The following NME8 variants were observed in gnomAD, a reference collection of about 807,000 sequenced individuals.
The protein encoded by NME8 is NME/NM23 family member 8.
In NME8, 72 loss-of-function variants were observed where a neutral mutation model predicts 82.3. That is an observed-to-expected ratio of 0.87 (90% CI 0.72 to 1.06). NME8 has a LOEUF of 1.06. Ranked by LOEUF, NME8 falls within the 50% of genes least tolerant of loss-of-function variation. The pLI, the probability that NME8 is intolerant of heterozygous loss-of-function variation, is 0.00. For missense variants in NME8, 712 were observed against 685.4 expected (o/e 1.04, Z -0.43); for synonymous variants, 267 against 228.5 (o/e 1.17, Z -1.52).
At chr7:37,892,703 A>G (rs550119802) in intron 15 of NME8, among the ~76,000 whole-genome samples, 33 of 151,620 alleles carry the variant, frequency 2.2e-4, no homozygotes, top group Admixed American at 5.9e-4. Flanking sequence ...TATTTCTGTT[A>G]TTTTATCTTT....
intron 7 of NME8, among the ~76,000 whole-genome samples, chr7:37,862,704 A>C (rs1019070825): frequency 6.6e-6 from 1 of 152,126 alleles, no homozygotes; most frequent in Non-Finnish European, 1.5e-5. Flanking sequence ...GTAATGGTTA[A>C]GAACAGATCT....
chr7:37,876,792 A>G (rs1784859658), intron 11 of NME8, 40 bp from the exon 12 acceptor site: 1 of 1,389,492 alleles, frequency 7.2e-7, no homozygotes, highest in Non-Finnish European at 1.0e-6. Flanking sequence ...TATAAACCTC[A>G]GTTTATAATA....
At chr7:37,874,679 A>C (rs1784819955) in intron 11 of NME8, among the ~76,000 whole-genome samples, 1 of 152,184 alleles carries the variant, frequency 6.6e-6, no homozygotes, top group Non-Finnish European at 1.5e-5. Context: ...TAAAGTCAAG[A>C]ATATGGCTAT....
At chr7:37,869,006 T>C (rs1178229459) in intron 11 of NME8, among the ~76,000 whole-genome samples, 1 of 152,164 alleles carries the variant, frequency 6.6e-6, no homozygotes, top group Admixed American at 6.6e-5. Flanking sequence ...AGCAAGAACA[T>C]ACTTAGAGTA....
intron 17 of NME8, among the ~76,000 whole-genome samples, chr7:37,899,496 G>C (rs560013951): frequency 2.1e-5 from 3 of 143,654 alleles, no homozygotes; most frequent in African/African-American, 5.1e-5. Context: ...ATGGACACAT[G>C]GGGGGAACAA....
intron 15 of NME8, among the ~76,000 whole-genome samples, chr7:37,893,912 C>G (rs560467569): frequency 6.6e-6 from 1 of 152,110 alleles, no homozygotes; most frequent in African/African-American, 2.4e-5. Context: ...GCTCCCAGAC[C>G]ACTCTATGTG....
At chr7:37,890,540 T>C (rs1785113959) in intron 15 of NME8, among the ~76,000 whole-genome samples, 1 of 151,932 alleles carries the variant, frequency 6.6e-6, no homozygotes, top group African/African-American at 2.4e-5. Context: ...CACCAGAGGT[T>C]ATACCCATAG....
chr7:37,853,601 A>G (rs1583625251), intron 5 of NME8, among the ~76,000 whole-genome samples: 1 of 152,190 alleles, frequency 6.6e-6, no homozygotes, highest in East Asian at 1.9e-4. Context: ...AGACGTTCAC[A>G]TAGACTAGGG....
In NME8 at chr7:37,895,809, A is replaced by G. The variant is rs886786288; in HGVS notation, c.1545-1061A>G. Among the ~76,000 whole-genome samples the G allele has an allele frequency of 1.1e-4, 16 of 152,258 alleles. No homozygotes were observed. In the Middle Eastern group the frequency reaches 0.01, roughly 97 times the overall value. On this transcript the variant is annotated intron_variant, in intron 16 of 17. Coordinates refer to ENST00000199447, the MANE Select transcript of NME8 (RefSeq NM_016616.5). The stretch of plus-strand genomic sequence containing the variant: ...ATATATGTTTAGATACACAAATAAC[A>G]CTGTATTACAGTTGTCTACAGTATT...
In NME8 at chr7:37,894,730, T is replaced by G. The variant is rs565367963; in HGVS notation, c.1544+120T>G. On this transcript the variant is annotated intron_variant, in intron 16 of 17. Coordinates refer to ENST00000199447, the MANE Select transcript of NME8 (RefSeq NM_016616.5). ...TCTAATCTCATTCATGAAAAGACAT[T>G]CTGCTAACATTCATGGTTCATCTTT... 9.0e-6 allele frequency: 9 copies of G among 1,003,430 alleles called. No homozygotes were observed. In the East Asian group the frequency reaches 2.4e-4, roughly 27 times the overall value. The allele number at this position is 1,003,430 out of a possible 1,614,324, so 62.2% of individuals were successfully genotyped here. A position where few individuals can be genotyped will look rare whatever the true frequency, so the allele number is the denominator to read the frequency against.
Position 37,849,731 on chromosome 7 carries a change from C to T in NME8, c.-7-529C>T, listed in dbSNP as rs192977751. 5.3e-5 allele frequency among the ~76,000 whole-genome samples: 8 copies of T among 152,002 alleles called. No individual in the cohort carries two copies. In the East Asian group the frequency reaches 5.8e-4, roughly 11 times the overall value. ...AAAAATACAAAAAAAATTAGCCCGC[C>T]GTGGTGGCGGGTGCCTGTAGTCACA... On this transcript the variant is annotated intron_variant, in intron 2 of 17. Coordinates refer to ENST00000199447, the MANE Select transcript of NME8 (RefSeq NM_016616.5).
chr7:37,868,078 C>T (rs1276323870), intron 11 of NME8, among the ~76,000 whole-genome samples, 180 bp downstream of exon 11: 1 of 152,102 alleles, frequency 6.6e-6, no homozygotes, highest in African/African-American at 2.4e-5. Flanking sequence ...GTGTCAGATA[C>T]CTGGCATTGG....
chr7:37,884,994 A>G, intron 13 of NME8, 151 bp from the exon 14 acceptor site: 1 of 644,424 alleles, frequency 1.6e-6, no homozygotes, highest in South Asian at 1.9e-5. Context: ...AAAACATATC[A>G]ACGGAAAAAA....
intron 11 of NME8, 42 bp downstream of exon 11, chr7:37,867,940 A>T: frequency 6.4e-7 from 1 of 1,570,370 alleles, no homozygotes; most frequent in Non-Finnish European, 8.7e-7. Context: ...GCAATGTGTT[A>T]TTGGGTAATG....
chr7:37,861,954 A>T, intron 6 of NME8, 74 bp from the exon 7 acceptor site: 1 of 900,368 alleles, frequency 1.1e-6, no homozygotes, highest in Non-Finnish European at 1.9e-6. Context: ...GGGATGACTT[A>T]GTCCAGTTTA....
In NME8 at chr7:37,867,803, A is replaced by G. The variant is rs140957789; in HGVS notation, c.723A>G (p.Glu241=). ...SKHNPPSEET[E]PQTDTEPNER... is the part of the protein sequence containing the mutation. The stretch of plus-strand genomic sequence containing the variant: ...ACAATCCTCCCTCTGAAGAAACCGA[A>G]CCACAGACTGACACCGAACCTAACG... Residue 241 remains glutamate (E), a synonymous_variant, in exon 11 of 18, where the codon GAA becomes GAG. Coordinates refer to ENST00000199447, the MANE Select transcript of NME8 (RefSeq NM_016616.5). 40 of 1,613,822 alleles carry G rather than the reference A, an allele frequency of 2.5e-5. No homozygotes were observed. The African/African-American group carries it at 4.4e-4, about 18-fold the overall frequency.
chr7:37,875,063 A>G (rs1287013884), intron 11 of NME8, among the ~76,000 whole-genome samples: 4 of 152,182 alleles, frequency 2.6e-5, no homozygotes, highest in Non-Finnish European at 4.4e-5. Context: ...TGTAATAGGA[A>G]AGTACTGGGC....
intron 2 of NME8, among the ~76,000 whole-genome samples, 179 bp from the exon 3 acceptor site, chr7:37,850,081 T>C (rs1713798656): frequency 6.6e-6 from 1 of 152,154 alleles, no homozygotes; most frequent in Admixed American, 6.5e-5. Flanking sequence ...TGTATCAAAA[T>C]ATCTCAGATT....
intron 15 of NME8, among the ~76,000 whole-genome samples, chr7:37,888,933 A>G (rs1426944423): frequency 6.6e-6 from 1 of 151,522 alleles, no homozygotes; most frequent in Admixed American, 6.6e-5. Flanking sequence ...TTTGATATCT[A>G]TCAGGTTTAG....
Sources: allele counts gnomAD v4.1 joint callset (sites outside exome capture counted in the v4.1 genomes callset), GRCh38; gene constraint gnomAD v4.1.1; transcripts MANE v1.5; gene names NCBI Gene and HGNC (gene_info 2026-07-23, HGNC 2026-07-21).